The following SYNE1 variants were observed in gnomAD, a reference collection of about 807,000 sequenced individuals.
The protein encoded by SYNE1 is spectrin repeat containing nuclear envelope protein 1, also known as nesprin-1.
In SYNE1, 616 loss-of-function variants were observed where a neutral mutation model predicts 1,111.0. That is an observed-to-expected ratio of 0.55 (90% CI 0.52 to 0.59). The LOEUF is 0.59. SYNE1 is among the 20% of genes least tolerant of loss of function. The pLI, the probability that SYNE1 is intolerant of heterozygous loss-of-function variation, is 0.00. For synonymous variants in SYNE1, 3,855 were observed against 3,825.8 expected (o/e 1.01, Z -0.28); for missense variants, 10,006 against 10,417.0 (o/e 0.96, Z 1.72).
intron 135 of SYNE1, 118 bp from the exon 136 acceptor site, chr6:152,149,786 G>A (rs2060105142): frequency 1.2e-6 from 1 of 849,910 alleles, no homozygotes; most frequent in South Asian, 1.5e-5. Context: ...CTATTTAATT[G>A]ACCATATACA....
At chr6:152,461,494 G>A (rs920313275) in intron 21 of SYNE1, 103 bp downstream of exon 21, 6 of 1,434,232 alleles carry the variant, frequency 4.2e-6, no homozygotes, top group South Asian at 1.2e-5. Context: ...CAAAAGCATC[G>A]TTAACAAGTA....
intron 105 of SYNE1, among the ~76,000 whole-genome samples, chr6:152,248,180 C>G (rs1045161291): frequency 2.0e-5 from 3 of 152,180 alleles, no homozygotes; most frequent in Non-Finnish European, 4.4e-5. Context: ...AGATCTAGAA[C>G]TGCCATTCAT....
In SYNE1 at chr6:152,136,806, C is replaced by A. The variant is rs769802517; in HGVS notation, c.25471G>T (p.Ala8491Ser). 6.2e-7 allele frequency: 1 copy of A among 1,614,146 alleles called. No homozygotes were observed. Among genetic ancestry groups the A allele is most frequent in the East Asian group, 2.2e-5 (1 of 44,878 alleles). Reference sequence around the variant, plus strand: ...ATGATGGCTTTGCGGTGGTCCACAGCTTTCTGGAGCTCCTGAAAAGAACAA... The same window carrying A: ...ATGATGGCTTTGCGGTGGTCCACAGATTTCTGGAGCTCCTGAAAAGAACAA... ...QIKKLKELQK[A>S]VDHRKAIILS... The change falls in exon 141 of 146, where the codon GCT becomes TCT. Residue 8491 changes from alanine (A) to serine (S), a missense_variant. Physicochemically the swap from Ala to Ser is moderately conservative, Grantham distance 99. Coordinates refer to ENST00000367255, the MANE Select transcript of SYNE1 (RefSeq NM_182961.4).
intron 74 of SYNE1, among the ~76,000 whole-genome samples, chr6:152,341,276 T>C (rs553219896): frequency 6.8e-4 from 104 of 152,324 alleles, no homozygotes; most frequent in African/African-American, 2.4e-3. Context: ...CTTTTGGATA[T>C]GAGAAGAGAA....
At chr6:152,379,074 CTT>C (rs2097348506) in intron 56 of SYNE1, among the ~76,000 whole-genome samples, 1 of 152,154 alleles carries the variant, frequency 6.6e-6, no homozygotes, top group Non-Finnish European at 1.5e-5. Context: ...ACTAAAGAAA[CTT>C]AGCATTCAAC....
At chr6:152,598,865 A>T (rs1443132080) in intron 3 of SYNE1, among the ~76,000 whole-genome samples, 1 of 152,228 alleles carries the variant, frequency 6.6e-6, no homozygotes, top group Non-Finnish European at 1.5e-5. Flanking sequence ...GTTATTTTTC[A>T]TCTAGCTGTG....
intron 74 of SYNE1, among the ~76,000 whole-genome samples, chr6:152,342,129 C>T (rs951805293): frequency 7.9e-5 from 12 of 152,198 alleles, no homozygotes; most frequent in Non-Finnish European, 1.5e-4. Flanking sequence ...AAACAAGGAA[C>T]CATACAGTCA....
intron 5 of SYNE1, among the ~76,000 whole-genome samples, chr6:152,523,286 C>G (rs1335592863): frequency 1.3e-5 from 2 of 152,018 alleles, no homozygotes; most frequent in African/African-American, 4.8e-5. Context: ...ATCCAGTTTT[C>G]CCAGCACCAT....
At chr6:152,501,038 C>T (rs1391703535) in intron 10 of SYNE1, among the ~76,000 whole-genome samples, 1 of 151,952 alleles carries the variant, frequency 6.6e-6, no homozygotes, top group Admixed American at 6.6e-5. Flanking sequence ...CTGAAAACTC[C>T]AGTTGAGACC....
At position 152,331,364 on chromosome 6, in the gene SYNE1, C is replaced by A. The variant is rs1191241476; in HGVS notation, c.13321G>T (p.Val4441Leu). Residue 4441 changes from valine (V) to leucine (L), a missense_variant, in exon 78 of 146, where the codon GTG (valine) becomes TTG (leucine). Val to Leu is a conservative substitution (Grantham distance 32, BLOSUM62 1). Transcript: ENST00000367255. ...QSHVNCLSDL[V>L]GQRRKYLNKA... ...TTTAAGTACTTTCTTCGCTGGCCCA[C>A]TAAGTCACTGAGACAATTCACGTGG... is the stretch of plus-strand genomic sequence containing the variant. 6.2e-7 allele frequency: 1 copy of A among 1,614,070 alleles called. No homozygotes were observed. Among genetic ancestry groups the A allele is most frequent in the East Asian group, 2.2e-5 (1 of 44,898 alleles).
intron 46 of SYNE1, 52 bp downstream of exon 46, chr6:152,404,161 G>T: frequency 8.3e-7 from 1 of 1,204,182 alleles, no homozygotes; most frequent in African/African-American, 1.5e-5. Flanking sequence ...TCTAGTATAT[G>T]GTAGTAATTA....
At chr6:152,512,447 T>C (rs913348213) in intron 6 of SYNE1, among the ~76,000 whole-genome samples, 1 of 152,192 alleles carries the variant, frequency 6.6e-6, no homozygotes, top group Non-Finnish European at 1.5e-5. Flanking sequence ...GAGAGCTTCA[T>C]TTTACAACTT....
intron 125 of SYNE1, among the ~76,000 whole-genome samples, chr6:152,207,522 T>C (rs1455451963): frequency 2.6e-5 from 4 of 152,152 alleles, no homozygotes; most frequent in Non-Finnish European, 4.4e-5. Context: ...ACTAGAGTGA[T>C]AGGAGATATC....
At chr6:152,142,864 T>C (rs1226196171) in intron 138 of SYNE1, among the ~76,000 whole-genome samples, 2 of 152,322 alleles carry the variant, frequency 1.3e-5, no homozygotes, top group East Asian at 3.9e-4. Flanking sequence ...AACATGTGAG[T>C]TGTGACCAGA....
intron 61 of SYNE1, 131 bp downstream of exon 61, chr6:152,368,841 C>T (rs545699100): frequency 9.3e-7 from 1 of 1,078,014 alleles, no homozygotes; most frequent in Non-Finnish European, 1.4e-6. Context: ...AGCACACACG[C>T]CCCTTACTGC....
At chr6:152,574,646 T>C (rs1425711330) in intron 3 of SYNE1, among the ~76,000 whole-genome samples, 1 of 152,196 alleles carries the variant, frequency 6.6e-6, no homozygotes, top group African/African-American at 2.4e-5. Flanking sequence ...GTAAATACCG[T>C]AGTTGTTTCT....
At chr6:152,539,727 T>G (rs140590988) in intron 4 of SYNE1, among the ~76,000 whole-genome samples, 2 of 152,310 alleles carry the variant, frequency 1.3e-5, no homozygotes, top group East Asian at 3.9e-4. Flanking sequence ...TTCTCAAGAT[T>G]CACAGAATTG....
intron 58 of SYNE1, among the ~76,000 whole-genome samples, chr6:152,373,636 G>A (rs115647377): frequency 2.9e-3 from 440 of 151,592 alleles, no homozygotes; most frequent in African/African-American, 0.01. Context: ...TACTGTATAC[G>A]TTAAATGACC....
intron 140 of SYNE1, among the ~76,000 whole-genome samples, chr6:152,139,649 GAAA>G: frequency 8.5e-6 from 1 of 117,752 alleles, no homozygotes; most frequent in African/African-American, 3.2e-5. Flanking sequence ...GAGAAAGAAA[GAAA>G]AAAAAGAAGG....
Sources: gnomAD v4.1 joint callset for allele counts (sites outside exome capture counted in the v4.1 genomes callset) on GRCh38, gnomAD v4.1.1 for gene constraint, MANE v1.5 for transcripts, NCBI Gene and HGNC (gene_info 2026-07-23, HGNC 2026-07-21) for gene names.